ANK3: variants seen among roughly 807,000 people sequenced by gnomAD.
The protein encoded by ANK3 is ankyrin 3.
In ANK3, 57 loss-of-function variants were observed where a neutral mutation model predicts 370.9. The ratio of observed to expected loss-of-function variants is 0.15; its 90% CI spans 0.12 to 0.19. ANK3 has a LOEUF of 0.19. ANK3 is among the 10% of genes least tolerant of loss of function. ANK3 has a pLI of 1.00. For synonymous variants in ANK3, 1,929 were observed against 1,946.3 expected (o/e 0.99, Z 0.23); for missense variants, 4,439 against 5,302.1 (o/e 0.84, Z 5.06).
chr10:60,280,614 T>A (rs2098147157), intron 1 of ANK3, among the ~76,000 whole-genome samples: 1 of 152,202 alleles, frequency 6.6e-6, no homozygotes, highest in Admixed American at 6.5e-5. Flanking sequence ...GGAAAGACAC[T>A]GCAAAGCTGG....
At chr10:60,178,142 G>C (rs2096033362) in intron 18 of ANK3, among the ~76,000 whole-genome samples, 1 of 152,114 alleles carries the variant, frequency 6.6e-6, no homozygotes, top group Non-Finnish European at 1.5e-5. Context: ...AGCTTAGCCT[G>C]GTACATTAAG....
At chr10:60,497,835 A>G (rs1483133696) in intron 2 of ANK3, among the ~76,000 whole-genome samples, 1 of 152,190 alleles carries the variant, frequency 6.6e-6, no homozygotes, top group East Asian at 1.9e-4. Context: ...GATGCACCAT[A>G]CAAAGCACCG....
chr10:60,237,583 A>T (rs2097352866), intron 7 of ANK3, among the ~76,000 whole-genome samples: 1 of 150,908 alleles, frequency 6.6e-6, no homozygotes, highest in African/African-American at 2.4e-5. Flanking sequence ...AGGTGCCTTG[A>T]GTTTCTTTTT....
At chr10:60,385,986 C>T (rs185578656) in intron 1 of ANK3, among the ~76,000 whole-genome samples, 31 of 152,258 alleles carry the variant, frequency 2.0e-4, no homozygotes, top group African/African-American at 6.0e-4. Context: ...AAGCCAACAA[C>T]GACAGTCAAT....
intron 2 of ANK3, among the ~76,000 whole-genome samples, chr10:60,504,647 A>C (rs1231474977): frequency 1.3e-5 from 2 of 152,210 alleles, no homozygotes; most frequent in Non-Finnish European, 2.9e-5. Context: ...AAATAATAGA[A>C]TCCCTCAGAT....
At chr10:60,341,899 A>G (rs1228336993) in intron 1 of ANK3, among the ~76,000 whole-genome samples, 2 of 152,130 alleles carry the variant, frequency 1.3e-5, no homozygotes, top group African/African-American at 4.8e-5. Context: ...AATGGTTGTC[A>G]TCTTCCCAAA....
intron 1 of ANK3, among the ~76,000 whole-genome samples, chr10:60,673,643 C>T (rs1261519370): frequency 8.5e-5 from 13 of 152,290 alleles, no homozygotes; most frequent in South Asian, 2.1e-4. Flanking sequence ...TGAACCACCA[C>T]GCCCAGCCAT....
intron 1 of ANK3, chr10:60,300,174 T>A (rs2043379501): frequency 2.3e-6 from 1 of 432,630 alleles, no homozygotes. Context: ...GTCCTACACA[T>A]ATTTAACTCA....
At chr10:60,718,540 T>C (rs2079820457) in intron 1 of ANK3, among the ~76,000 whole-genome samples, 1 of 151,940 alleles carries the variant, frequency 6.6e-6, no homozygotes, top group Non-Finnish European at 1.5e-5. Flanking sequence ...AAAAAAAAAG[T>C]ATTCTTAATT....
At chr10:60,351,102 A>C (rs1175524260) in intron 1 of ANK3, among the ~76,000 whole-genome samples, 1 of 152,206 alleles carries the variant, frequency 6.6e-6, no homozygotes, top group Non-Finnish European at 1.5e-5. Flanking sequence ...CTGTTCAGTG[A>C]AAATCTTCCA....
At chr10:60,312,778 C>T (rs1486172236) in intron 1 of ANK3, among the ~76,000 whole-genome samples, 1 of 152,198 alleles carries the variant, frequency 6.6e-6, no homozygotes, top group African/African-American at 2.4e-5. Context: ...TTTGCCCCTT[C>T]TTTCAAAAAT....
chr10:60,579,101 C>A lies in ANK3; in HGVS notation c.96+36085G>T, dbSNP rs189875251. ...CAGCACTTTAGGAGGCTGAGGCAGG[C>A]GGATCATGAAGTCAAGAGATCGAGA... On this transcript the variant is annotated intron_variant, in intron 2 of 43. Coordinates refer to the ANK3 transcript ENST00000373827. 6.6e-5 allele frequency among the ~76,000 whole-genome samples: 10 copies of A among 151,730 alleles called. No homozygotes were observed. The South Asian group carries it at 1.5e-3, about 22-fold the overall frequency.
chr10:60,368,378 T>C (rs1261411064), intron 1 of ANK3, among the ~76,000 whole-genome samples: 1 of 152,116 alleles, frequency 6.6e-6, no homozygotes, highest in Non-Finnish European at 1.5e-5. Context: ...TGACTTGATC[T>C]CCTATCACCC....
intron 7 of ANK3, among the ~76,000 whole-genome samples, chr10:60,255,809 T>C (rs1222201829): frequency 6.6e-6 from 1 of 152,196 alleles, no homozygotes; most frequent in Non-Finnish European, 1.5e-5. Flanking sequence ...AAAAAATTTA[T>C]TTAAATCAAA....
chr10:60,317,889 G>T (rs1406855960), intron 1 of ANK3, among the ~76,000 whole-genome samples: 7 of 151,436 alleles, frequency 4.6e-5, no homozygotes, highest in African/African-American at 1.5e-4. Context: ...AATTTTTTTT[G>T]TATTTTTTAG....
chr10:60,692,808 G>C (rs187397769), intron 1 of ANK3, among the ~76,000 whole-genome samples: 1 of 152,370 alleles, frequency 6.6e-6, no homozygotes, highest in East Asian at 1.9e-4. Flanking sequence ...TTAGCTGATA[G>C]CTGATTGTTA....
chr10:60,578,547 A>T (rs897935408), intron 2 of ANK3, among the ~76,000 whole-genome samples: 1 of 152,216 alleles, frequency 6.6e-6, no homozygotes, highest in Non-Finnish European at 1.5e-5. Context: ...GCTTTGTAAA[A>T]GGTAATTTCC....
At position 60,516,179 on chromosome 10, in the gene ANK3, A is replaced by G. The variant is rs187380789; in HGVS notation, c.96+99007T>C. Among the ~76,000 whole-genome samples, 10 of 152,280 alleles carry G rather than the reference A, an allele frequency of 6.6e-5. No individual in the cohort carries two copies. The East Asian group carries it at 1.9e-3, about 29-fold the overall frequency. ...TGAAGGTCACCTCCCTCCAACAGTCATCTGAGGACTCAATTCCATAACAAT... is the reference window on the plus strand; with the variant it reads ...TGAAGGTCACCTCCCTCCAACAGTCGTCTGAGGACTCAATTCCATAACAAT... On this transcript the variant is annotated intron_variant, in intron 2 of 43. Transcript: ENST00000373827.
At chr10:60,510,588 C>A (rs1281986156) in intron 2 of ANK3, among the ~76,000 whole-genome samples, 1 of 152,096 alleles carries the variant, frequency 6.6e-6, no homozygotes, top group African/African-American at 2.4e-5. Context: ...CCCAGGCAGG[C>A]AGATCACTTG....
Sources: allele counts gnomAD v4.1 joint callset (sites outside exome capture counted in the v4.1 genomes callset), GRCh38; gene constraint gnomAD v4.1.1; transcripts MANE v1.5; gene names NCBI Gene and HGNC (gene_info 2026-07-23, HGNC 2026-07-21).